The following GPR157 variants were observed in gnomAD, a reference collection of about 807,000 sequenced individuals.
The protein encoded by GPR157 is G-protein coupled receptor 157.
Under a neutral mutation model 23.5 loss-of-function variants are expected in GPR157, and 16 were observed. That is an observed-to-expected ratio of 0.68 (90% CI 0.46 to 1.04). GPR157 has a LOEUF of 1.04. Ranked by LOEUF, GPR157 falls within the 50% of genes least tolerant of loss-of-function variation. GPR157 has a pLI of 0.00. For synonymous variants in GPR157, 200 were observed against 221.5 expected, an observed-to-expected ratio of 0.90 and a Z score of 0.86; for missense variants, 440 against 460.7, an observed-to-expected ratio of 0.96 and a Z score of 0.41.
chr1:9,124,112 G>A (rs560226312), intron 1 of GPR157, among the ~76,000 whole-genome samples: 1 of 152,172 alleles, frequency 6.6e-6, no homozygotes, highest in Non-Finnish European at 1.5e-5. Context: ...CTACTGGCGT[G>A]AGCCACTGTG....
chr1:9,119,221 C>T lies in GPR157; in HGVS notation c.384-7732G>A, dbSNP rs762197477. On this transcript the variant is annotated intron_variant, in intron 1 of 3. Coordinates refer to ENST00000377411, the MANE Select transcript of GPR157 (RefSeq NM_024980.5). The stretch of plus-strand genomic sequence containing the variant: ...CTAATTTTTGTATTTTTAGTAGAGA[C>T]GGGGTTTCACCATGTTGGCCAGACT... Among the ~76,000 whole-genome samples the T allele has an allele frequency of 2.6e-5, 4 of 152,096 alleles. No individual in the cohort carries two copies. The South Asian group carries it at 6.2e-4, about 24-fold the overall frequency.
At chr1:9,124,016 G>A (rs1356206941) in intron 1 of GPR157, among the ~76,000 whole-genome samples, 1 of 151,596 alleles carries the variant, frequency 6.6e-6, no homozygotes, top group African/African-American at 2.4e-5. Context: ...TTTTTGTAGA[G>A]ACAGGATTTT....
At chr1:9,125,550 G>T (rs1200099629) in intron 1 of GPR157, among the ~76,000 whole-genome samples, 1 of 152,160 alleles carries the variant, frequency 6.6e-6, no homozygotes, top group Non-Finnish European at 1.5e-5. Flanking sequence ...TTGTGCACGT[G>T]CAGGATTCTC....
rs1425274386 is a variant in GPR157 at position 9,118,696 on chromosome 1, A to G, written c.384-7207T>C. 6.6e-6 allele frequency among the ~76,000 whole-genome samples: 1 copy of G among 152,126 alleles called. No homozygotes were observed. The highest frequency in any genetic ancestry group is 2.4e-5 in the African/African-American group (1 of 41,422). On this transcript the variant is annotated intron_variant, in intron 1 of 3. Coordinates refer to ENST00000377411, the MANE Select transcript of GPR157 (RefSeq NM_024980.5). The surrounding 1 kb of genome is among the most constrained non-coding windows in gnomAD (Gnocchi z 4.6). ...TCTTTCAAGAGGTGATTAAGTTAAA[A>G]TGCAGTCATCAGAGTGGAACCTAAC...
chr1:9,119,786 C>A (rs1211044280), intron 1 of GPR157, among the ~76,000 whole-genome samples: 1 of 152,178 alleles, frequency 6.6e-6, no homozygotes, highest in Admixed American at 6.5e-5. Flanking sequence ...AGGAGCTTAG[C>A]CCTTTTTGGA....
At chr1:9,113,920 G>A (rs1400795517) in intron 1 of GPR157, among the ~76,000 whole-genome samples, 5 of 150,086 alleles carry the variant, frequency 3.3e-5, no homozygotes, top group Non-Finnish European at 5.9e-5. Flanking sequence ...TCCAGCCTGG[G>A]TGACAGAGCA....
chr1:9,109,016 T>G (rs568593468), intron 2 of GPR157, among the ~76,000 whole-genome samples: 1 of 152,008 alleles, frequency 6.6e-6, no homozygotes, highest in South Asian at 2.1e-4. Flanking sequence ...GACCTCGTGA[T>G]CTGCACACCT....
Position 9,104,623 on chromosome 1 carries a change from G to A in GPR157, c.804C>T (p.Asn268=), listed in dbSNP as rs1486065286. Residue 268 remains asparagine (N), a synonymous_variant, in exon 4 of 4, where the codon AAC becomes AAT. Transcript: ENST00000377411. ...TGCAGTTGGCACCTCCCTGAAACGT[G>A]TTCCCGATACCCTGTCGGGAGAAAA... is the stretch of plus-strand genomic sequence containing the variant. ...PVLVVLHGIG[N]TFQGGANCIM... The A allele has an allele frequency of 6.2e-7, 1 of 1,604,384 alleles. No individual in the cohort carries two copies. Among genetic ancestry groups the A allele is most frequent in the African/African-American group, 1.3e-5 (1 of 74,704 alleles).
chr1:9,124,502 G>C (rs1248871426), intron 1 of GPR157, among the ~76,000 whole-genome samples: 1 of 152,182 alleles, frequency 6.6e-6, no homozygotes, highest in Non-Finnish European at 1.5e-5. Flanking sequence ...CTCTGGGAAT[G>C]GAATGCGACC....
rs952194777 is a variant in GPR157, at chr1:9,104,941, A to C, written c.793-307T>G. ...CTTGAACCCAGGAGGCGGAAGTTGC[A>C]GTGAGCCGAGATCCCACCACTGCAC... On this transcript the variant is annotated intron_variant, in intron 3 of 3. Transcript: ENST00000377411. 5.3e-5 allele frequency among the ~76,000 whole-genome samples: 8 copies of C among 151,104 alleles called. No individual in the cohort carries two copies. The East Asian group carries it at 1.6e-3, about 29-fold the overall frequency.
rs1199825002 is a variant in GPR157, at chr1:9,102,438, G to T, written c.*1981C>A. The T allele has an allele frequency of 6.8e-6, 1 of 146,196 alleles. No homozygotes were observed. The highest frequency in any genetic ancestry group is 2.2e-4 in the South Asian group (1 of 4,602). 9.1% of individuals were successfully genotyped at this position (146,196 alleles called of 1,614,324 possible). A position where few individuals can be genotyped will look rare whatever the true frequency, so the allele number is the denominator to read the frequency against. ...AAAAAAAAAAAAAAAAAAAGAAAGC[G>T]ACAAAAAGAAATCCATTTTCACAGG... On this transcript the variant is annotated 3_prime_UTR_variant, in exon 4 of 4. Coordinates refer to ENST00000377411, the MANE Select transcript of GPR157 (RefSeq NM_024980.5).
chr1:9,123,177 ATATATATATATATATAAATAAAATT>A (rs1638839516), intron 1 of GPR157, among the ~76,000 whole-genome samples: 2 of 95,008 alleles, frequency 2.1e-5, no homozygotes, highest in Non-Finnish European at 2.1e-5. Flanking sequence ...AAAAAAAAAT[ATATATATATATATATAAATAAAATT>A]TATATATATA....
chr1:9,111,117 T>G, intron 2 of GPR157, 159 bp downstream of exon 2: 1 of 694,206 alleles, frequency 1.4e-6, no homozygotes, highest in Non-Finnish European at 2.6e-6. Context: ...TGTTGCATGG[T>G]GTCTGGTGCA....
At chr1:9,126,395 G>C (rs1046783351) in intron 1 of GPR157, among the ~76,000 whole-genome samples, 2 of 151,952 alleles carry the variant, frequency 1.3e-5, no homozygotes, top group Non-Finnish European at 2.9e-5. Flanking sequence ...TATGTCCTTT[G>C]TCCATTTTTC....
Position 9,105,052 on chromosome 1 carries a change from C to CAT in GPR157, c.793-419_793-418insAT, listed in dbSNP as rs1296864855. Among the ~76,000 whole-genome samples the CAT allele has an allele frequency of 6.8e-6, 1 of 146,798 alleles. No homozygotes were observed. The highest frequency in any genetic ancestry group is 1.5e-5 in the Non-Finnish European group (1 of 66,802). On this transcript the variant is annotated intron_variant, in intron 3 of 3. Transcript: ENST00000377411. The surrounding 1 kb of genome is among the most constrained non-coding windows in gnomAD (Gnocchi z 4.8). ...GCTGAGAAACACACACACACACACA[C>CAT]ACACACACACACACACATGCATACA... is the stretch of plus-strand genomic sequence containing the variant.
At position 9,124,014 on chromosome 1, in the gene GPR157, G is replaced by C. The variant is rs533503285; in HGVS notation, c.383+4631C>G. On this transcript the variant is annotated intron_variant, in intron 1 of 3. Transcript: ENST00000377411. ...CGGCTAATTTTTTAAATTTTTTGTA[G>C]AGACAGGATTTTGCCATGTTGCCCA... 2.6e-5 allele frequency among the ~76,000 whole-genome samples: 4 copies of C among 151,718 alleles called. No individual in the cohort carries two copies. In the East Asian group the frequency reaches 7.7e-4, roughly 29 times the overall value.
chr1:9,100,608 T>G lies in GPR157; in HGVS notation c.*3811A>C, dbSNP rs1358399647. ...GGTTAAAAGACCAAAGTTCAGAAAGTGCATGGGAGAGGGACGCTGAGCTGC... is the reference window on the plus strand; with the variant it reads ...GGTTAAAAGACCAAAGTTCAGAAAGGGCATGGGAGAGGGACGCTGAGCTGC... On this transcript the variant is annotated 3_prime_UTR_variant, in exon 4 of 4. Transcript: ENST00000377411. 1 of 152,100 alleles carries G rather than the reference T, an allele frequency of 6.6e-6. No individual in the cohort carries two copies. Among genetic ancestry groups the G allele is most frequent in the Non-Finnish European group, 1.5e-5 (1 of 68,022 alleles). The allele number at this position is 152,100 out of a possible 1,614,324, so 9.4% of individuals were successfully genotyped here. A position where few individuals can be genotyped will look rare whatever the true frequency, so the allele number is the denominator to read the frequency against.
intron 1 of GPR157, among the ~76,000 whole-genome samples, chr1:9,122,705 C>CG (rs1483828747): frequency 1.3e-5 from 2 of 151,940 alleles, no homozygotes; most frequent in Non-Finnish European, 2.9e-5. Context: ...TATAAAATAC[C>CG]GGGACTGTAC....
intron 1 of GPR157, among the ~76,000 whole-genome samples, chr1:9,123,406 A>T (rs1397124211): frequency 9.1e-6 from 1 of 109,856 alleles, no homozygotes; most frequent in Non-Finnish European, 1.7e-5. Flanking sequence ...TATATATTTA[A>T]TTTAAATACA....
Sources: allele counts gnomAD v4.1 joint callset (sites outside exome capture counted in the v4.1 genomes callset), GRCh38; gene constraint gnomAD v4.1.1; non-coding constraint Gnocchi (gnomAD v3.1); transcripts MANE v1.5; gene names NCBI Gene and HGNC (gene_info 2026-07-23, HGNC 2026-07-21).